The following DNAJA1 variants were observed in gnomAD, a reference collection of about 807,000 sequenced individuals.
DNAJA1 encodes the protein DnaJ heat shock protein family (Hsp40) member A1, also known as dnaJ homolog subfamily A member 1.
In DNAJA1, 26 loss-of-function variants were observed where a neutral mutation model predicts 47.6. The observed-to-expected ratio is 0.55, with a 90% confidence interval of 0.40 to 0.76. The LOEUF (loss-of-function observed/expected upper bound fraction) is 0.76. Ranked by LOEUF, DNAJA1 falls within the 30% of genes least tolerant of loss-of-function variation. The probability of loss-of-function intolerance (pLI) is 0.00; values close to 1 mark genes in which losing one functional copy is unlikely to be tolerated. For missense variants in DNAJA1, 315 were observed against 485.0 expected (o/e 0.65, Z 3.29); for synonymous variants, 165 against 158.4 (o/e 1.04, Z -0.31).
intron 3 of DNAJA1, 93 bp downstream of exon 3, chr9:33,027,083 C>T (rs1838884693): frequency 2.0e-6 from 3 of 1,466,688 alleles, no homozygotes; most frequent in South Asian, 1.2e-5. Context: ...TGCTTGTTTA[C>T]ATGTTGGTAT....
intron 2 of DNAJA1, 84 bp downstream of exon 2, chr9:33,026,700 C>A: frequency 1.3e-6 from 2 of 1,565,886 alleles, no homozygotes; most frequent in South Asian, 2.4e-5. Context: ...AATCGAGTAT[C>A]TAATATAGTA....
rs1838854727 is a variant in DNAJA1 at position 33,026,465 on chromosome 9, C to T, written c.-10-10C>T. The T allele has an allele frequency of 1.2e-5, 19 of 1,596,114 alleles. No individual in the cohort carries two copies. Among genetic ancestry groups the T allele is most frequent in the Non-Finnish European group, 1.4e-5 (17 of 1,175,446 alleles). ...TGAAAGCCGGTTAAAGTTGCATTTT[C>T]TTATTTCAGGCAGTAGAAGATGGTG... On this transcript the variant is annotated splice_polypyrimidine_tract_variant and intron_variant, in intron 1 of 8. Coordinates refer to ENST00000330899, the MANE Select transcript of DNAJA1 (RefSeq NM_001539.4).
At chr9:33,027,802 G>A (rs1378800924) in intron 3 of DNAJA1, among the ~76,000 whole-genome samples, 2 of 151,722 alleles carry the variant, frequency 1.3e-5, no homozygotes, top group Admixed American at 1.3e-4. Context: ...GCGAACGGAG[G>A]TCACGCCACT....
Position 33,038,633 on chromosome 9 carries a change from C to CT in DNAJA1, c.976-51dup, listed in dbSNP as rs1199218476. ...CTGGGGAAAATGGGTCCATGATACT[C>CT]TAAGGGAGCTAATGATGAAATCAGA... On this transcript the variant is annotated intron_variant, in intron 8 of 8. Transcript: ENST00000330899. The CT allele has an allele frequency of 5.2e-6, 8 of 1,546,182 alleles. No individual in the cohort carries two copies. The Admixed American group carries it at 1.0e-4, about 20-fold the overall frequency.
chr9:33,030,045 C>T, intron 4 of DNAJA1, 56 bp downstream of exon 4: 4 of 1,483,550 alleles, frequency 2.7e-6, no homozygotes, highest in Non-Finnish European at 3.7e-6. Context: ...TAATATGACA[C>T]CTGAAAATGG....
chr9:33,027,634 A>AC (rs200328404), intron 3 of DNAJA1, among the ~76,000 whole-genome samples: 10,689 of 151,816 alleles, frequency 0.07, 508 homozygotes, highest in Non-Finnish European at 0.11. Flanking sequence ...TGGGTGGATC[A>AC]CTGAGGTCAG....
intron 3 of DNAJA1, among the ~76,000 whole-genome samples, chr9:33,028,669 TGCAGGTTAACATTG>T (rs1464167888): frequency 2.0e-5 from 3 of 152,242 alleles, no homozygotes; most frequent in African/African-American, 7.2e-5. Context: ...ACAAAGAACC[TGCAGGTTAACATTG>T]GCAAGCTCTT....
chr9:33,034,295 T>C lies in DNAJA1; in HGVS notation c.723T>C (p.Ile241=). 1 of 1,610,550 alleles carries C rather than the reference T, an allele frequency of 6.2e-7. No homozygotes were observed. Among genetic ancestry groups the C allele is most frequent in the Non-Finnish European group, 8.5e-7 (1 of 1,179,008 alleles). ...GACTGGAGCCAGGCGATATTATCAT[T>C]GTGTTAGATCAGAAGGACCATGCTG... ...EPGLEPGDII[I]VLDQKDHAVF... The change falls in exon 6 of 9, where the codon ATT becomes ATC. Residue 241 remains isoleucine (I), a synonymous_variant. Coordinates refer to ENST00000330899, the MANE Select transcript of DNAJA1 (RefSeq NM_001539.4).
At chr9:33,033,557 T>G in intron 5 of DNAJA1, among the ~76,000 whole-genome samples, 1 of 151,622 alleles carries the variant, frequency 6.6e-6, no homozygotes, top group East Asian at 1.9e-4. Context: ...ATTCAAAAAT[T>G]AGCTGGTCTG....
At chr9:33,025,777 G>A (rs1347370649) in intron 1 of DNAJA1, among the ~76,000 whole-genome samples, 2 of 152,140 alleles carry the variant, frequency 1.3e-5, no homozygotes, top group African/African-American at 2.4e-5. Context: ...GGAGCCGGGC[G>A]GAGACTGCGG....
chr9:33,030,058 C>G (rs1838936707), intron 4 of DNAJA1, 69 bp downstream of exon 4: 2 of 1,391,170 alleles, frequency 1.4e-6, no homozygotes, highest in Non-Finnish European at 2.0e-6. Context: ...GAAAATGGAG[C>G]TAAGACTTCT....
At chr9:33,026,212 A>G (rs1388279411) in intron 1 of DNAJA1, among the ~76,000 whole-genome samples, 1 of 152,216 alleles carries the variant, frequency 6.6e-6, no homozygotes, top group Admixed American at 6.5e-5. Flanking sequence ...GTTGTGTTAT[A>G]TTAGTATGGA....
At chr9:33,030,737 GT>G (rs1564012954) in intron 5 of DNAJA1, 70 bp downstream of exon 5, 2 of 1,312,944 alleles carry the variant, frequency 1.5e-6, no homozygotes, top group Non-Finnish European at 2.1e-6. Context: ...TTTTATAATT[GT>G]TTAAAAATCA....
intron 7 of DNAJA1, 110 bp downstream of exon 7, chr9:33,036,799 C>T: frequency 1.2e-6 from 1 of 861,784 alleles, no homozygotes; most frequent in South Asian, 1.7e-5. Flanking sequence ...GTTTTTCTTT[C>T]TCGGTTACAT....
At position 33,036,600 on chromosome 9, in the gene DNAJA1, T is replaced by C; in HGVS notation, c.785T>C (p.Met262Thr). The C allele has an allele frequency of 2.5e-6, 4 of 1,613,306 alleles. No individual in the cohort carries two copies. Among genetic ancestry groups the C allele is most frequent in the Non-Finnish European group, 3.4e-6 (4 of 1,179,628 alleles). ...TRRGEDLFMCMDIQLVEALCG... is the reference protein window; with the variant it reads ...TRRGEDLFMCTDIQLVEALCG... The stretch of plus-strand genomic sequence containing the variant: ...CGAGGAGAAGACCTTTTCATGTGTA[T>C]GGACATACAGCTCGTTGAAGCACTG... Residue 262 changes from methionine to threonine, a missense_variant, in exon 7 of 9, where the codon ATG becomes ACG. Coordinates refer to ENST00000330899, the MANE Select transcript of DNAJA1 (RefSeq NM_001539.4).
chr9:33,029,919 A>T lies in DNAJA1; in HGVS notation c.345A>T (p.Leu115=), dbSNP rs1426563657. 1 of 1,612,672 alleles carries T rather than the reference A, an allele frequency of 6.2e-7. No individual in the cohort carries two copies. The highest frequency in any genetic ancestry group is 8.5e-7 in the Non-Finnish European group (1 of 1,179,658). The change falls in exon 4 of 9, where the codon CTA becomes CTT. Residue 115 remains leucine, a synonymous_variant. Transcript: ENST00000330899. ...TTGTACATCAGCTCTCAGTAACCCT[A>T]GAAGACTTATATAATGGTGCAACAA... The part of the protein sequence containing the change: ...KNVVHQLSVT[L]EDLYNGATRK...
At chr9:33,027,265 C>T (rs1275410291) in intron 3 of DNAJA1, among the ~76,000 whole-genome samples, 1 of 151,146 alleles carries the variant, frequency 6.6e-6, no homozygotes, top group African/African-American at 2.4e-5. Context: ...AAGCGATTCT[C>T]CTGCCTCAGC....
intron 6 of DNAJA1, among the ~76,000 whole-genome samples, chr9:33,035,588 G>A (rs1839021391): frequency 6.6e-6 from 1 of 152,072 alleles, no homozygotes; most frequent in African/African-American, 2.4e-5. Context: ...TCTCACCTCA[G>A]CCTCCCGAGT....
chr9:33,029,805 C>A, intron 3 of DNAJA1, 80 bp from the exon 4 acceptor site: 1 of 1,153,368 alleles, frequency 8.7e-7, no homozygotes, highest in Non-Finnish European at 1.2e-6. Flanking sequence ...TTATTCTTTG[C>A]CACATTCTTT....
Sources: allele counts gnomAD v4.1 joint callset (sites outside exome capture counted in the v4.1 genomes callset), GRCh38; gene constraint gnomAD v4.1.1; transcripts MANE v1.5; gene names NCBI Gene and HGNC (gene_info 2026-07-23, HGNC 2026-07-21).